Variants in SLC4A10 observed in about 807,000 individuals in gnomAD.
SLC4A10 encodes sodium-driven chloride bicarbonate exchanger.
Under a neutral mutation model 137.7 loss-of-function variants are expected in SLC4A10, and 42 were observed. That is an observed-to-expected ratio of 0.30 (90% CI 0.24 to 0.39). SLC4A10 has a LOEUF of 0.39. Ranked by LOEUF, SLC4A10 falls within the 10% of genes least tolerant of loss-of-function variation. The probability of loss-of-function intolerance (pLI) is 1.00; values close to 1 mark genes in which losing one functional copy is unlikely to be tolerated. For synonymous variants in SLC4A10, 474 were observed against 464.1 expected, an observed-to-expected ratio of 1.02 and a Z score of -0.27; for missense variants, 925 against 1,355.0, an observed-to-expected ratio of 0.68 and a Z score of 4.98.
intron 2 of SLC4A10, among the ~76,000 whole-genome samples, chr2:161,787,801 T>C (rs2053792305): frequency 6.6e-6 from 1 of 152,164 alleles, no homozygotes; most frequent in Non-Finnish European, 1.5e-5. Context: ...ATCTTGTCTT[T>C]CATTTTCTGA....
intron 1 of SLC4A10, among the ~76,000 whole-genome samples, chr2:161,629,506 A>G (rs2033122251): frequency 6.6e-6 from 1 of 151,898 alleles, no homozygotes; most frequent in Non-Finnish European, 1.5e-5. Context: ...TAGCTCCCCC[A>G]TTAACAAGAT....
chr2:161,685,876 C>T (rs951691371), intron 1 of SLC4A10, among the ~76,000 whole-genome samples: 1 of 152,116 alleles, frequency 6.6e-6, no homozygotes, highest in African/African-American at 2.4e-5. Context: ...AAAAATCCCT[C>T]TACTGGAGAT....
chr2:161,789,705 G>A lies in SLC4A10; in HGVS notation c.131-14744G>A, dbSNP rs529340156. On this transcript the variant is annotated intron_variant, in intron 2 of 26. Transcript: ENST00000446997. The stretch of plus-strand genomic sequence containing the variant: ...TGTATGACTGTACATAACAAATTGC[G>A]AATAGAATTAGAAAGTGCTTTCTAC... 5.9e-5 allele frequency among the ~76,000 whole-genome samples: 9 copies of A among 152,208 alleles called. No homozygotes were observed. In the East Asian group the frequency reaches 1.4e-3, roughly 23 times the overall value.
chr2:161,979,004 T>G (rs1699826616), intron 26 of SLC4A10, among the ~76,000 whole-genome samples: 1 of 152,310 alleles, frequency 6.6e-6, no homozygotes, highest in East Asian at 1.9e-4. Context: ...GAAGGGCAGT[T>G]TCTCAAGCCC....
chr2:161,848,503 T>C (rs2059629922), intron 4 of SLC4A10, among the ~76,000 whole-genome samples: 1 of 152,170 alleles, frequency 6.6e-6, no homozygotes, highest in Non-Finnish European at 1.5e-5. Flanking sequence ...AGAGTTTTTA[T>C]AGTGTTTTTG....
chr2:161,929,156 G>A (rs1689846049), intron 15 of SLC4A10, among the ~76,000 whole-genome samples: 1 of 152,078 alleles, frequency 6.6e-6, no homozygotes, highest in Non-Finnish European at 1.5e-5. Context: ...AAGGATGTTT[G>A]CCACTTAATA....
At chr2:161,751,903 G>A (rs1185805505) in intron 1 of SLC4A10, among the ~76,000 whole-genome samples, 3 of 151,876 alleles carry the variant, frequency 2.0e-5, no homozygotes, top group Non-Finnish European at 4.4e-5. Context: ...GTTTACTCAA[G>A]TACATCTTTA....
chr2:161,856,593 A>G (rs1360950267), intron 5 of SLC4A10, among the ~76,000 whole-genome samples: 5 of 152,156 alleles, frequency 3.3e-5, no homozygotes, highest in African/African-American at 1.2e-4. Flanking sequence ...TGATTAACTC[A>G]GAAATAAGCA....
intron 1 of SLC4A10, among the ~76,000 whole-genome samples, chr2:161,735,115 T>A (rs1291595049): frequency 2.7e-5 from 4 of 150,116 alleles, no homozygotes; most frequent in African/African-American, 9.7e-5. Flanking sequence ...TCAGGTAGTA[T>A]CTTTATAGTA....
intron 15 of SLC4A10, among the ~76,000 whole-genome samples, chr2:161,930,362 A>G (rs1690114137): frequency 6.6e-6 from 1 of 151,996 alleles, no homozygotes; most frequent in Non-Finnish European, 1.5e-5. Context: ...AATTATATCA[A>G]AGTAGTTTAT....
At chr2:161,909,466 C>T (rs891950793) in intron 15 of SLC4A10, among the ~76,000 whole-genome samples, 7 of 152,138 alleles carry the variant, frequency 4.6e-5, no homozygotes, top group South Asian at 2.1e-4. Context: ...AGGGATGGAA[C>T]GACTGGTTCA....
At chr2:161,861,758 A>G (rs1165429001) in intron 5 of SLC4A10, among the ~76,000 whole-genome samples, 2 of 152,178 alleles carry the variant, frequency 1.3e-5, no homozygotes, top group Non-Finnish European at 2.9e-5. Flanking sequence ...CCAATATATG[A>G]TATAGATATT....
chr2:161,792,162 G>T (rs1364732881), intron 2 of SLC4A10, among the ~76,000 whole-genome samples: 1 of 152,048 alleles, frequency 6.6e-6, no homozygotes, highest in Non-Finnish European at 1.5e-5. Context: ...GTTTTCTGTG[G>T]ATAAGGAGAA....
At chr2:161,777,622 C>T (rs2052514925) in intron 2 of SLC4A10, among the ~76,000 whole-genome samples, 1 of 151,958 alleles carries the variant, frequency 6.6e-6, no homozygotes, top group Non-Finnish European at 1.5e-5. Flanking sequence ...TGGATGGCAG[C>T]AGGCAGAAAG....
intron 15 of SLC4A10, among the ~76,000 whole-genome samples, chr2:161,907,011 G>A (rs1219312298): frequency 6.3e-5 from 9 of 142,690 alleles, no homozygotes; most frequent in African/African-American, 7.8e-5. Flanking sequence ...AGCTGAGATC[G>A]CGCCACTGCA....
intron 25 of SLC4A10, chr2:161,977,308 C>T: frequency 4.4e-6 from 2 of 451,388 alleles, no homozygotes; most frequent in Middle Eastern, 6.6e-4. Flanking sequence ...TAGTTCTAGT[C>T]CTGACTCCAA....
intron 1 of SLC4A10, among the ~76,000 whole-genome samples, chr2:161,748,289 C>T (rs1247985011): frequency 6.6e-6 from 1 of 152,062 alleles, no homozygotes; most frequent in East Asian, 1.9e-4. Flanking sequence ...GTAGGTCTAC[C>T]TGTTCATTTT....
At chr2:161,721,312 G>T (rs1231981282) in intron 1 of SLC4A10, among the ~76,000 whole-genome samples, 1 of 152,146 alleles carries the variant, frequency 6.6e-6, no homozygotes, top group Admixed American at 6.5e-5. Flanking sequence ...TTTTGTAGTG[G>T]CTGCTAATGA....
At chr2:161,901,988 C>T (rs1228067077) in intron 12 of SLC4A10, 6 of 452,236 alleles carry the variant, frequency 1.3e-5, no homozygotes, top group Admixed American at 2.4e-5. Flanking sequence ...AGATTTTTTT[C>T]GAAGTTCACT....
Sources: allele counts gnomAD v4.1 joint callset (sites outside exome capture counted in the v4.1 genomes callset), GRCh38; gene constraint gnomAD v4.1.1; transcripts MANE v1.5; gene names NCBI Gene and HGNC (gene_info 2026-07-23, HGNC 2026-07-21).